INPP5A: variants seen among roughly 807,000 people sequenced by gnomAD.
INPP5A encodes 43 kDa inositol polyphosphate 5-phophatase.
INPP5A carries 14 observed loss-of-function variants against 65.2 expected under a neutral mutation model. That is an observed-to-expected ratio of 0.21 (90% CI 0.14 to 0.34). The LOEUF (loss-of-function observed/expected upper bound fraction) is 0.34, where lower values mean the gene tolerates loss of function less well. INPP5A is among the 10% of genes least tolerant of loss of function. The pLI, the probability that INPP5A is intolerant of heterozygous loss-of-function variation, is 1.00. For missense variants in INPP5A, 431 were observed against 545.6 expected (o/e 0.79, Z 2.09); for synonymous variants, 207 against 208.3 (o/e 0.99, Z 0.05).
At chr10:132,710,614 GA>G (rs1367720307) in intron 8 of INPP5A, among the ~76,000 whole-genome samples, 158 bp downstream of exon 8, 1 of 151,072 alleles carries the variant, frequency 6.6e-6, no homozygotes, top group Non-Finnish European at 1.5e-5. Flanking sequence ...TGTGGATGGA[GA>G]GGTAGGTATG....
intron 9 of INPP5A, among the ~76,000 whole-genome samples, chr10:132,740,084 A>G (rs1401546630): frequency 3.3e-5 from 5 of 152,132 alleles, no homozygotes; most frequent in Admixed American, 2.6e-4. Context: ...CTCCACGGCA[A>G]TGTCTAAGAT....
chr10:132,570,596 C>T (rs1015609612), intron 1 of INPP5A, among the ~76,000 whole-genome samples: 19 of 152,194 alleles, frequency 1.2e-4, no homozygotes, highest in Non-Finnish European at 2.5e-4. Flanking sequence ...AACTTGGCCA[C>T]TGAATCTTCA....
chr10:132,783,301 G>C lies in INPP5A; in HGVS notation c.*1272G>C, dbSNP rs1847200025. 6.6e-6 allele frequency: 1 copy of C among 152,254 alleles called. No individual in the cohort carries two copies. The highest frequency in any genetic ancestry group is 1.5e-5 in the Non-Finnish European group (1 of 68,014). 9.4% of individuals were successfully genotyped at this position (152,254 alleles called of 1,614,324 possible). Reference sequence around the variant, plus strand: ...ATAAATACTACCACTGCAAGTGACTGCTGTCCGCTGCGGAATCTGTTCTTG... The same window carrying C: ...ATAAATACTACCACTGCAAGTGACTCCTGTCCGCTGCGGAATCTGTTCTTG... On this transcript the variant is annotated 3_prime_UTR_variant, in exon 16 of 16. Transcript: ENST00000368594.
At chr10:132,578,114 G>A (rs1189035317) in intron 1 of INPP5A, among the ~76,000 whole-genome samples, 1 of 152,224 alleles carries the variant, frequency 6.6e-6, no homozygotes, top group Non-Finnish European at 1.5e-5. Context: ...AACGTGTGAG[G>A]GGAAGTTATT....
At chr10:132,702,452 A>G (rs1845451960) in intron 6 of INPP5A, among the ~76,000 whole-genome samples, 1 of 152,236 alleles carries the variant, frequency 6.6e-6, no homozygotes, top group Non-Finnish European at 1.5e-5. Context: ...CTTAACACAA[A>G]TAATCGAAAA....
At chr10:132,552,644 T>G (rs2071070991) in intron 1 of INPP5A, among the ~76,000 whole-genome samples, 1 of 145,068 alleles carries the variant, frequency 6.9e-6, no homozygotes, top group East Asian at 2.1e-4. Context: ...GGTGAACACC[T>G]TCTCAGAGCC....
intron 9 of INPP5A, among the ~76,000 whole-genome samples, chr10:132,736,658 G>C (rs535744455): frequency 3.9e-4 from 60 of 152,360 alleles, no homozygotes; most frequent in African/African-American, 1.4e-3. Context: ...ACCATGGCCG[G>C]CAAGAGCAGC....
chr10:132,685,222 G>A (rs768036199), intron 4 of INPP5A, among the ~76,000 whole-genome samples: 2 of 152,242 alleles, frequency 1.3e-5, no homozygotes, highest in South Asian at 2.1e-4. Context: ...GCCGCGGGCC[G>A]TGGCCTCCTC....
intron 1 of INPP5A, among the ~76,000 whole-genome samples, chr10:132,541,068 A>G (rs2070900721): frequency 1.4e-5 from 2 of 146,126 alleles, no homozygotes; most frequent in Admixed American, 1.4e-4. Context: ...GTCACAACTC[A>G]CTGCAGCCTC....
Position 132,587,116 on chromosome 10 carries a change from A to AT in INPP5A, c.76-20793dup, listed in dbSNP as rs942235058. Among the ~76,000 whole-genome samples the AT allele has an allele frequency of 1.3e-5, 2 of 152,128 alleles. No individual in the cohort carries two copies. The highest frequency in any genetic ancestry group is 6.5e-5 in the Admixed American group (1 of 15,274). ...GAGCCATGTAGTGTGCTATGACTTGATTTTTTCAGTTTTAAAAAATAATAC... is the reference window on the plus strand; with the variant it reads ...GAGCCATGTAGTGTGCTATGACTTGATTTTTTTCAGTTTTAAAAAATAATAC... On this transcript the variant is annotated intron_variant, in intron 1 of 15. Coordinates refer to ENST00000368594, the MANE Select transcript of INPP5A (RefSeq NM_005539.5). The surrounding 1 kb of genome is among the most constrained non-coding windows in gnomAD (Gnocchi z 4.3).
chr10:132,657,774 T>C (rs1244029854), intron 4 of INPP5A, among the ~76,000 whole-genome samples: 1 of 152,268 alleles, frequency 6.6e-6, no homozygotes, highest in Non-Finnish European at 1.5e-5. Context: ...GCGTTTATGA[T>C]GAGGAAGCTC....
At chr10:132,684,401 ATGTG>A (rs1245756140) in intron 4 of INPP5A, among the ~76,000 whole-genome samples, 1 of 152,084 alleles carries the variant, frequency 6.6e-6, no homozygotes. Flanking sequence ...GTATGCATGT[ATGTG>A]TGTGTATTAC....
At chr10:132,635,265 T>C (rs1305539588) in intron 2 of INPP5A, among the ~76,000 whole-genome samples, 1 of 152,212 alleles carries the variant, frequency 6.6e-6, no homozygotes, top group South Asian at 2.1e-4. Flanking sequence ...CCATTTTTTA[T>C]TTTTCTGTTT....
chr10:132,640,537 A>C (rs537123247), intron 2 of INPP5A, among the ~76,000 whole-genome samples: 200 of 152,382 alleles, frequency 1.3e-3, no homozygotes, highest in Admixed American at 3.1e-3. Context: ...GAGGGAAAGA[A>C]TAAGAGGCTC....
chr10:132,740,405 A>T (rs12780199), intron 9 of INPP5A, among the ~76,000 whole-genome samples: 11 of 152,174 alleles, frequency 7.2e-5, no homozygotes, highest in Non-Finnish European at 1.3e-4. Flanking sequence ...CAGCGAAAGC[A>T]TTACGTTGGT....
chr10:132,746,681 C>G (rs1258911913), intron 9 of INPP5A, among the ~76,000 whole-genome samples: 1 of 152,138 alleles, frequency 6.6e-6, no homozygotes, highest in Non-Finnish European at 1.5e-5. Flanking sequence ...GACGGCACAC[C>G]GGACCACTCT....
chr10:132,689,725 A>G (rs1039229409), intron 4 of INPP5A, among the ~76,000 whole-genome samples: 3 of 152,272 alleles, frequency 2.0e-5, no homozygotes, highest in Admixed American at 1.3e-4. Flanking sequence ...GTTCAGATCA[A>G]CAAGTAACTG....
intron 4 of INPP5A, among the ~76,000 whole-genome samples, chr10:132,684,693 T>G (rs2073093165): frequency 6.6e-6 from 1 of 152,234 alleles, no homozygotes; most frequent in Admixed American, 6.5e-5. Context: ...CTGCCTCAGC[T>G]CGGGCAGGTG....
intron 11 of INPP5A, among the ~76,000 whole-genome samples, chr10:132,763,773 A>G (rs1203991156): frequency 1.3e-5 from 2 of 152,318 alleles, no homozygotes; most frequent in African/African-American, 2.4e-5. Context: ...GCCGTTGCAC[A>G]CATAAACACA....
Sources: allele counts gnomAD v4.1 joint callset (sites outside exome capture counted in the v4.1 genomes callset), GRCh38; gene constraint gnomAD v4.1.1; non-coding constraint Gnocchi (gnomAD v3.1); transcripts MANE v1.5; gene names NCBI Gene and HGNC (gene_info 2026-07-23, HGNC 2026-07-21).